Variants in AOPEP observed in about 807,000 individuals in gnomAD.
AOPEP encodes the protein aminopeptidase O.
Under a neutral mutation model 98.1 loss-of-function variants are expected in AOPEP, and 77 were observed. That is an observed-to-expected ratio of 0.78 (90% CI 0.65 to 0.95). The LOEUF (loss-of-function observed/expected upper bound fraction) is 0.95, where lower values mean the gene tolerates loss of function less well. Among genes scored for constraint, AOPEP ranks in the 40% least tolerant of loss-of-function variants. AOPEP has a pLI of 0.00. For missense variants in AOPEP, 1,024 were observed against 1,024.7 expected (o/e 1.00, Z 0.01); for synonymous variants, 346 against 365.3 (o/e 0.95, Z 0.60).
At chr9:94,934,606 C>T (rs1316422130) in intron 7 of AOPEP, 1 of 152,240 alleles carries the variant, frequency 6.6e-6, no homozygotes, top group Non-Finnish European at 1.5e-5. Context: ...TTTCTGCTCT[C>T]ACCAGTACAG....
At chr9:95,033,614 G>A (rs928463304) in intron 13 of AOPEP, among the ~76,000 whole-genome samples, 1 of 152,072 alleles carries the variant, frequency 6.6e-6, no homozygotes, top group Admixed American at 6.5e-5. Flanking sequence ...TGAAGTAGTA[G>A]GTTAATTATA....
chr9:95,124,030 G>C, the AOPEP span, among the ~76,000 whole-genome samples: 1 of 149,368 alleles, frequency 6.7e-6, no homozygotes, highest in Non-Finnish European at 1.5e-5. Flanking sequence ...CCTGAGCTTG[G>C]GGGGTTGAGA....
At chr9:95,025,273 A>AT (rs1338813158) in intron 13 of AOPEP, among the ~76,000 whole-genome samples, 1 of 152,028 alleles carries the variant, frequency 6.6e-6, no homozygotes, top group Non-Finnish European at 1.5e-5. Flanking sequence ...CCCGTGATCC[A>AT]TTTTCCCAGC....
At chr9:94,901,287 A>G (rs942560449) in intron 5 of AOPEP, among the ~76,000 whole-genome samples, 3 of 152,268 alleles carry the variant, frequency 2.0e-5, no homozygotes, top group Middle Eastern at 3.4e-3. Flanking sequence ...ATAAGAATCG[A>G]TTGCTTCTTC....
intron 13 of AOPEP, among the ~76,000 whole-genome samples, chr9:95,012,838 C>T (rs2062640496): frequency 6.6e-6 from 1 of 151,874 alleles, no homozygotes; most frequent in South Asian, 2.1e-4. Flanking sequence ...ATGAATCCCA[C>T]AAATGGCATT....
downstream of AOPEP, among the ~76,000 whole-genome samples, chr9:95,087,566 GT>G (rs531492904): frequency 3.1e-3 from 445 of 141,340 alleles, 1 homozygote; most frequent in Middle Eastern, 0.034. Context: ...CACCTCACTA[GT>G]TTCTTTGTTG....
At chr9:94,979,459 A>G (rs1476119271) in intron 11 of AOPEP, 32 bp downstream of exon 11, 5 of 1,424,236 alleles carry the variant, frequency 3.5e-6, no homozygotes, top group East Asian at 2.3e-5. Flanking sequence ...GGTAGAATCC[A>G]TGGAGAGTAG....
At chr9:94,741,851 C>G (rs1833209509) in intron 1 of AOPEP, among the ~76,000 whole-genome samples, 1 of 152,174 alleles carries the variant, frequency 6.6e-6, no homozygotes, top group Non-Finnish European at 1.5e-5. Context: ...CAACATGTCA[C>G]ATTTTGTTTA....
chr9:94,765,687 C>A (rs1839446157), intron 2 of AOPEP, among the ~76,000 whole-genome samples: 1 of 151,850 alleles, frequency 6.6e-6, no homozygotes. Flanking sequence ...CCCACTTTAC[C>A]ATGTGGCAGG....
At chr9:95,005,849 A>T in intron 13 of AOPEP, 1 of 589,110 alleles carries the variant, frequency 1.7e-6, no homozygotes, top group Non-Finnish European at 3.1e-6. Flanking sequence ...ATGCTCATTA[A>T]ATACAGCAAT....
intron 13 of AOPEP, among the ~76,000 whole-genome samples, chr9:95,049,686 C>A (rs1456377387): frequency 6.6e-6 from 1 of 152,142 alleles, no homozygotes; most frequent in African/African-American, 2.4e-5. Flanking sequence ...TAAAACTTAA[C>A]CATTTTTGCG....
intron 11 of AOPEP, among the ~76,000 whole-genome samples, chr9:95,003,007 C>G (rs145610298): frequency 6.6e-6 from 1 of 152,082 alleles, no homozygotes; most frequent in South Asian, 2.1e-4. Context: ...CAGCTCATGC[C>G]GGAAACCGTT....
At chr9:94,745,782 A>C (rs1008959657) in intron 1 of AOPEP, among the ~76,000 whole-genome samples, 1 of 152,136 alleles carries the variant, frequency 6.6e-6, no homozygotes, top group Non-Finnish European at 1.5e-5. Flanking sequence ...ATGGACACTT[A>C]GGTTGATGCC....
At chr9:95,008,208 C>T (rs2062185763) in intron 13 of AOPEP, among the ~76,000 whole-genome samples, 1 of 152,164 alleles carries the variant, frequency 6.6e-6, no homozygotes, top group Admixed American at 6.5e-5. Context: ...GCCCTTGCCT[C>T]CAGCCCCGAA....
At chr9:95,126,056 A>G in the AOPEP span, among the ~76,000 whole-genome samples, 506 of 152,344 alleles carry the variant, frequency 3.3e-3, 9 homozygotes, top group East Asian at 0.043. Flanking sequence ...TCAAAATAAA[A>G]ATGTAATGTG....
At chr9:94,989,069 C>T (rs2060703048) in intron 11 of AOPEP, among the ~76,000 whole-genome samples, 1 of 151,810 alleles carries the variant, frequency 6.6e-6, no homozygotes, top group Non-Finnish European at 1.5e-5. Flanking sequence ...AGGTGCACGA[C>T]ACCACACTCA....
chr9:95,119,239 G>A, the AOPEP span, among the ~76,000 whole-genome samples: 86 of 152,154 alleles, frequency 5.7e-4, no homozygotes, highest in Non-Finnish European at 8.8e-4. Flanking sequence ...TTTAAAAACT[G>A]GTTTCTTAGG....
the AOPEP span, among the ~76,000 whole-genome samples, chr9:95,124,743 C>T: frequency 2.0e-5 from 3 of 152,164 alleles, no homozygotes; most frequent in Admixed American, 1.3e-4. Flanking sequence ...TCCTGCTGAC[C>T]TGGGAGGCTC....
At chr9:94,757,950 T>C (rs1837437322) in intron 1 of AOPEP, among the ~76,000 whole-genome samples, 1 of 152,232 alleles carries the variant, frequency 6.6e-6, no homozygotes, top group Non-Finnish European at 1.5e-5. Context: ...TACTCTGGCT[T>C]ATCCCCTGTG....
Sources: gnomAD v4.1 joint callset for allele counts (sites outside exome capture counted in the v4.1 genomes callset) on GRCh38, gnomAD v4.1.1 for gene constraint, MANE v1.5 for transcripts, NCBI Gene and HGNC (gene_info 2026-07-23, HGNC 2026-07-21) for gene names.